KHDRBS2: variants seen among roughly 807,000 people sequenced by gnomAD.
The protein encoded by KHDRBS2 is KH RNA binding domain containing, signal transduction associated 2, also known as KH domain-containing, RNA-binding, signal transduction-associated protein 2.
In KHDRBS2, 26 loss-of-function variants were observed where a neutral mutation model predicts 44.3. That is an observed-to-expected ratio of 0.59 (90% confidence interval 0.43 to 0.81). The LOEUF (loss-of-function observed/expected upper bound fraction) is 0.81, where lower values mean the gene tolerates loss of function less well. Ranked by LOEUF, KHDRBS2 falls within the 40% of genes least tolerant of loss-of-function variation. The pLI, the probability that KHDRBS2 is intolerant of heterozygous loss-of-function variation, is 0.00. For missense variants in KHDRBS2, 476 were observed against 433.1 expected, an observed-to-expected ratio of 1.10 and a Z score of -0.88; for synonymous variants, 194 against 151.1, an observed-to-expected ratio of 1.28 and a Z score of -2.08.
At chr6:61,641,573 T>C in the KHDRBS2 span, among the ~76,000 whole-genome samples, 1 of 152,196 alleles carries the variant, frequency 6.6e-6, no homozygotes, top group Non-Finnish European at 1.5e-5. Context: ...AATTAGCCTC[T>C]TACTCTGTAA....
chr6:62,284,293 G>C (rs962495790), intron 1 of KHDRBS2, among the ~76,000 whole-genome samples: 1 of 151,920 alleles, frequency 6.6e-6, no homozygotes, highest in Non-Finnish European at 1.5e-5. Context: ...GGGTCAGAGA[G>C]AATGATCAAT....
At chr6:62,247,088 A>G (rs1467555887) in intron 1 of KHDRBS2, among the ~76,000 whole-genome samples, 2 of 152,020 alleles carry the variant, frequency 1.3e-5, no homozygotes, top group African/African-American at 4.8e-5. Flanking sequence ...ATAGAGAAAT[A>G]GTAACTCTTT....
intron 1 of KHDRBS2, among the ~76,000 whole-genome samples, chr6:62,192,157 G>A (rs1242624778): frequency 1.3e-5 from 2 of 151,914 alleles, no homozygotes; most frequent in Non-Finnish European, 2.9e-5. Context: ...TCAATCAGTA[G>A]ATCTGATATT....
chr6:62,240,672 G>GTGTATATATATA (rs1252806819), intron 1 of KHDRBS2, among the ~76,000 whole-genome samples: 15 of 64,162 alleles, frequency 2.3e-4, no homozygotes, highest in South Asian at 7.0e-4. Context: ...ATGTGTGTGT[G>GTGTATATATATA]TATATATATA....
chr6:61,602,273 A>G, the KHDRBS2 span, among the ~76,000 whole-genome samples: 5 of 152,128 alleles, frequency 3.3e-5, no homozygotes, highest in African/African-American at 1.2e-4. Context: ...CTCCACTGTG[A>G]GACAAACCCC....
At chr6:61,664,818 G>A in the KHDRBS2 span, among the ~76,000 whole-genome samples, 1 of 151,478 alleles carries the variant, frequency 6.6e-6, no homozygotes, top group Admixed American at 6.6e-5. Flanking sequence ...AAATATATTT[G>A]GTTAAATTGA....
chr6:62,132,745 TGA>T (rs1027313947), intron 2 of KHDRBS2, among the ~76,000 whole-genome samples: 6 of 152,186 alleles, frequency 3.9e-5, no homozygotes, highest in African/African-American at 1.4e-4. Flanking sequence ...ATTACACCAT[TGA>T]GTGTAATATG....
At chr6:62,070,328 T>A (rs535961799) in intron 2 of KHDRBS2, among the ~76,000 whole-genome samples, 2 of 112,024 alleles carry the variant, frequency 1.8e-5, no homozygotes, top group African/African-American at 6.2e-5. Context: ...TTGGAAAGTG[T>A]TCACTTCTTT....
At chr6:61,628,320 C>T in the KHDRBS2 span, among the ~76,000 whole-genome samples, 1 of 141,760 alleles carries the variant, frequency 7.1e-6, no homozygotes, top group Non-Finnish European at 1.5e-5. Context: ...TGAAGTTCAT[C>T]TTCCTCACAC....
chr6:61,785,671 G>A (rs1783703228), intron 6 of KHDRBS2, among the ~76,000 whole-genome samples: 1 of 151,492 alleles, frequency 6.6e-6, no homozygotes, highest in South Asian at 2.1e-4. Context: ...AGAAGTATTG[G>A]GATTACGTAT....
chr6:61,590,599 C>A, the KHDRBS2 span, among the ~76,000 whole-genome samples: 380 of 152,216 alleles, frequency 2.5e-3, 5 homozygotes, highest in Admixed American at 0.022. Flanking sequence ...CACAGTAGGA[C>A]TTCTCTTCTT....
chr6:61,878,553 C>T (rs1479445869), intron 6 of KHDRBS2, among the ~76,000 whole-genome samples: 1 of 152,006 alleles, frequency 6.6e-6, no homozygotes, highest in Admixed American at 6.6e-5. Flanking sequence ...TGGTTTTGAA[C>T]TTGCTGTTCT....
At chr6:61,779,321 C>G (rs537401507) in intron 6 of KHDRBS2, among the ~76,000 whole-genome samples, 1 of 152,072 alleles carries the variant, frequency 6.6e-6, no homozygotes, top group African/African-American at 2.4e-5. Context: ...CATGGAGTTT[C>G]TATGGTATGA....
chr6:61,784,489 C>A (rs980414952), intron 6 of KHDRBS2, among the ~76,000 whole-genome samples: 1 of 151,858 alleles, frequency 6.6e-6, no homozygotes, highest in Non-Finnish European at 1.5e-5. Flanking sequence ...TAGAATTTTT[C>A]TCATTGCATA....
chr6:62,107,219 T>A (rs1012075804), intron 2 of KHDRBS2, among the ~76,000 whole-genome samples: 4 of 151,950 alleles, frequency 2.6e-5, no homozygotes, highest in African/African-American at 9.7e-5. Context: ...AAAATCTCCT[T>A]AAGCTGATAA....
At chr6:61,664,498 CT>C in the KHDRBS2 span, among the ~76,000 whole-genome samples, 1 of 151,692 alleles carries the variant, frequency 6.6e-6, no homozygotes, top group African/African-American at 2.4e-5. Flanking sequence ...AACAGGCATC[CT>C]TTAACACCAT....
At chr6:61,978,657 G>A (rs542937306) in intron 3 of KHDRBS2, among the ~76,000 whole-genome samples, 2 of 152,028 alleles carry the variant, frequency 1.3e-5, no homozygotes, top group African/African-American at 4.8e-5. Context: ...AGTTAGGAAG[G>A]TTACTTGATT....
At chr6:61,910,327 CA>C (rs1424249819) in intron 4 of KHDRBS2, among the ~76,000 whole-genome samples, 1 of 152,168 alleles carries the variant, frequency 6.6e-6, no homozygotes, top group African/African-American at 2.4e-5. Flanking sequence ...AGTCAAAGAG[CA>C]GTCAATTAAG....
At chr6:61,863,668 C>A (rs1472172715) in intron 6 of KHDRBS2, among the ~76,000 whole-genome samples, 2 of 152,082 alleles carry the variant, frequency 1.3e-5, no homozygotes, top group Non-Finnish European at 2.9e-5. Context: ...TATTTTAGTT[C>A]TTCTGCATTT....
Sources: gnomAD v4.1 joint callset for allele counts (sites outside exome capture counted in the v4.1 genomes callset) on GRCh38, gnomAD v4.1.1 for gene constraint, MANE v1.5 for transcripts, NCBI Gene and HGNC (gene_info 2026-07-23, HGNC 2026-07-21) for gene names.